Variants in KLHL13 observed in about 807,000 individuals in gnomAD.
KLHL13 encodes kelch-like protein 13.
KLHL13 carries 10 observed loss-of-function variants against 37.1 expected under a neutral mutation model. The ratio of observed to expected loss-of-function variants is 0.27; its 90% confidence interval spans 0.17 to 0.46. The LOEUF (loss-of-function observed/expected upper bound fraction) is 0.46, where lower values mean the gene tolerates loss of function less well. Ranked by LOEUF, KLHL13 falls within the 20% of genes least tolerant of loss-of-function variation. The probability of loss-of-function intolerance (pLI) is 1.00; values close to 1 mark genes in which losing one functional copy is unlikely to be tolerated. For synonymous variants in KLHL13, 163 were observed against 181.2 expected (o/e 0.90, Z 0.81); for missense variants, 360 against 509.3 (o/e 0.71, Z 2.82).
intron 1 of KLHL13, among the ~76,000 whole-genome samples, chrX:117,948,214 T>C (rs1484722161): frequency 8.9e-6 from 1 of 111,959 alleles, no homozygotes; most frequent in Non-Finnish European, 1.9e-5. Flanking sequence ...TATAGAGGAA[T>C]TTACTGTCTC....
intron 1 of KLHL13, among the ~76,000 whole-genome samples, chrX:118,024,459 C>T (rs995030243): frequency 7.2e-5 from 8 of 111,451 alleles, no homozygotes; most frequent in African/African-American, 2.6e-4. Context: ...TACCAGAATT[C>T]GAGGGTAAGC....
chrX:118,094,648 G>A (rs1315145320), intron 1 of KLHL13, among the ~76,000 whole-genome samples: 8 of 110,655 alleles, frequency 7.2e-5, no homozygotes, highest in African/African-American at 2.6e-4. Context: ...GAGAAAGGTC[G>A]GGTTACCCAC....
At chrX:117,952,233 C>A (rs778757557) in intron 1 of KLHL13, among the ~76,000 whole-genome samples, 1 of 111,065 alleles carries the variant, frequency 9.0e-6, no homozygotes, top group East Asian at 2.8e-4. Flanking sequence ...AGAACAGAGC[C>A]CTCAGAAATA....
chrX:118,013,733 T>A (rs5956847), intron 1 of KLHL13, among the ~76,000 whole-genome samples: 6,037 of 112,237 alleles, frequency 0.054, 399 homozygotes, highest in African/African-American at 0.18. Context: ...AATACCCCCA[T>A]GTTGCAGGAA....
chrX:117,951,466 AGGTGT>A lies in KLHL13; in HGVS notation c.99-5896_99-5892del, dbSNP rs750719440. Among the ~76,000 whole-genome samples the A allele has an allele frequency of 8.7e-4, 97 of 111,418 alleles. 1 individual carries two copies. The highest frequency in any genetic ancestry group is 9.5e-3 in the Middle Eastern group (2 of 210). On this transcript the variant is annotated intron_variant, in intron 1 of 6. Transcript: ENST00000262820. ...GTTTAAAGAATATATCTTCTTAATG[AGGTGT>A]TTGCCTGAAAGGAATCAAGAAAGAT... is the stretch of plus-strand genomic sequence containing the variant.
At chrX:118,034,358 A>C (rs1251108991) in intron 1 of KLHL13, among the ~76,000 whole-genome samples, 10 of 93,697 alleles carry the variant, frequency 1.1e-4, no homozygotes, top group African/African-American at 4.1e-4. Context: ...TCTCCTCAGC[A>C]AATGTAAAAG....
chrX:117,913,930 C>T (rs958471388), intron 4 of KLHL13, among the ~76,000 whole-genome samples: 1 of 110,070 alleles, frequency 9.1e-6, no homozygotes, highest in Admixed American at 9.7e-5. Flanking sequence ...TTAAAATAAT[C>T]AACTGCTCAT....
chrX:117,993,449 T>A (rs2053817262), intron 1 of KLHL13, among the ~76,000 whole-genome samples: 1 of 111,908 alleles, frequency 8.9e-6, no homozygotes, highest in Non-Finnish European at 1.9e-5. Flanking sequence ...TACCAAAGCC[T>A]TATAATGCAG....
intron 1 of KLHL13, among the ~76,000 whole-genome samples, chrX:117,953,591 G>T (rs1174152861): frequency 1.8e-5 from 2 of 110,569 alleles, no homozygotes; most frequent in Non-Finnish European, 3.8e-5. Flanking sequence ...ATAAAATAAA[G>T]ACAGGGAACT....
At chrX:118,041,578 T>G (rs1384382853) in intron 1 of KLHL13, among the ~76,000 whole-genome samples, 1 of 111,144 alleles carries the variant, frequency 9.0e-6, no homozygotes, top group African/African-American at 3.3e-5. Flanking sequence ...GGGGAAGAAG[T>G]TAAAGTGTAG....
intron 1 of KLHL13, among the ~76,000 whole-genome samples, chrX:117,984,552 C>T (rs1307360314): frequency 3.6e-5 from 4 of 111,086 alleles, no homozygotes; most frequent in African/African-American, 1.3e-4. Context: ...AAATGTGATA[C>T]TAAATCTAAT....
At chrX:118,059,038 G>C (rs5956864) in intron 1 of KLHL13, among the ~76,000 whole-genome samples, 5,878 of 111,329 alleles carry the variant, frequency 0.053, 396 homozygotes, top group African/African-American at 0.18. Flanking sequence ...ATAAGGAGCT[G>C]AAGGAAGGCA....
At chrX:118,063,883 A>G (rs2054768572) in intron 1 of KLHL13, among the ~76,000 whole-genome samples, 1 of 112,201 alleles carries the variant, frequency 8.9e-6, no homozygotes, top group African/African-American at 3.2e-5. Context: ...CTTTTGCTAA[A>G]GTCTTAATGC....
Position 118,092,294 on chromosome X carries a change from T to A in KLHL13, c.-56+24214A>T, listed in dbSNP as rs773720405. ...TTGAAAGTTGTTAACAAATAAAAAATTTTTAAAGCAGTGAAAGAAACACCT... is the reference window on the plus strand; with the variant it reads ...TTGAAAGTTGTTAACAAATAAAAAAATTTTAAAGCAGTGAAAGAAACACCT... On this transcript the variant is annotated intron_variant, in intron 1 of 6. Transcript: ENST00000371882. 1.1e-4 allele frequency among the ~76,000 whole-genome samples: 12 copies of A among 111,847 alleles called. No homozygotes were observed. In the South Asian group the frequency reaches 4.1e-3, roughly 38 times the overall value.
At chrX:117,899,420 G>C (rs1929947426) in intron 6 of KLHL13, 25 bp from the exon 8 acceptor site, 1 of 1,137,796 alleles carries the variant, frequency 8.8e-7, no homozygotes, top group Non-Finnish European at 1.2e-6. Context: ...CAATAGTTTT[G>C]AAGTAAATAA....
intron 5 of KLHL13, among the ~76,000 whole-genome samples, chrX:117,905,535 AGT>A (rs1402648114): frequency 1.8e-5 from 2 of 111,283 alleles, no homozygotes; most frequent in Non-Finnish European, 3.8e-5. Context: ...ACACACACAC[AGT>A]CTTTTTTTGA....
intron 1 of KLHL13, among the ~76,000 whole-genome samples, chrX:118,089,608 G>GAA (rs756091339): frequency 5.2e-4 from 31 of 59,631 alleles, no homozygotes; most frequent in African/African-American, 1.9e-3. Flanking sequence ...GAGAGAGAGA[G>GAA]AGAGAAAGAA....
At chrX:118,086,836 A>T (rs957737943) in intron 1 of KLHL13, among the ~76,000 whole-genome samples, 1 of 111,534 alleles carries the variant, frequency 9.0e-6, no homozygotes, top group Non-Finnish European at 1.9e-5. Flanking sequence ...AAAAATAGAA[A>T]GCATATGAAA....
At chrX:118,056,438 T>C (rs1460228927) in intron 1 of KLHL13, among the ~76,000 whole-genome samples, 6 of 111,525 alleles carry the variant, frequency 5.4e-5, no homozygotes, top group Non-Finnish European at 1.9e-5. Flanking sequence ...CTGACTTATT[T>C]GTAGAAACTG....
Sources: allele counts gnomAD v4.1 joint callset (sites outside exome capture counted in the v4.1 genomes callset), GRCh38; gene constraint gnomAD v4.1.1; transcripts MANE v1.5; gene names NCBI Gene and HGNC (gene_info 2026-07-23, HGNC 2026-07-21).